NTRK3: variants seen among roughly 807,000 people sequenced by gnomAD.
The protein encoded by NTRK3 is NT-3 growth factor receptor.
NTRK3 carries 24 observed loss-of-function variants against 91.7 expected under a neutral mutation model. The ratio of observed to expected loss-of-function variants is 0.26; its 90% CI spans 0.19 to 0.37. The LOEUF (loss-of-function observed/expected upper bound fraction) is 0.37. Ranked by LOEUF, NTRK3 falls within the 10% of genes least tolerant of loss-of-function variation. The pLI is 1.00. For missense variants in NTRK3, 880 were observed against 1,068.9 expected (o/e 0.82, Z 2.46); for synonymous variants, 483 against 404.0 (o/e 1.20, Z -2.34).
intron 14 of NTRK3, among the ~76,000 whole-genome samples, chr15:87,943,072 C>G (rs144824787): frequency 6.6e-6 from 1 of 151,844 alleles, no homozygotes; most frequent in Non-Finnish European, 1.5e-5. Context: ...ATCACCTAGA[C>G]GGCTTGTTAC....
chr15:88,252,991 C>T (rs1404869049), intron 3 of NTRK3: 2 of 152,276 alleles, frequency 1.3e-5, no homozygotes, highest in Non-Finnish European at 2.9e-5. Context: ...AGAAGCAGAA[C>T]CACAGGGAAA....
intron 5 of NTRK3, among the ~76,000 whole-genome samples, chr15:88,176,286 G>A (rs1474007119): frequency 5.3e-5 from 8 of 151,920 alleles, no homozygotes; most frequent in South Asian, 4.2e-4. Flanking sequence ...ACAGGCAAGC[G>A]CCACCATGCC....
At position 88,213,199 on chromosome 15, in the gene NTRK3, T is replaced by C. The variant is rs74719627; in HGVS notation, c.249-28900A>G. ...CTGTCATCCTTAGGCAGCCGTCTGA[T>C]GTTGGGGTGAGCCATCATTCCCGTT... On this transcript the variant is annotated intron_variant, in intron 3 of 18. Transcript: ENST00000394480. Among the ~76,000 whole-genome samples the C allele has an allele frequency of 4.2e-3, 637 of 152,280 alleles. 10 individuals are homozygous for C. In the East Asian group the frequency reaches 0.06, roughly 14 times the overall value.
At chr15:88,200,497 G>A (rs933640150) in intron 3 of NTRK3, among the ~76,000 whole-genome samples, 4 of 152,152 alleles carry the variant, frequency 2.6e-5, no homozygotes, top group African/African-American at 9.7e-5. Flanking sequence ...GGGACCCTGT[G>A]GGAGGTAATT....
intron 3 of NTRK3, among the ~76,000 whole-genome samples, chr15:88,212,884 T>C (rs765471701): frequency 6.6e-6 from 1 of 152,032 alleles, no homozygotes; most frequent in Non-Finnish European, 1.5e-5. Flanking sequence ...CCACACTGAG[T>C]GGAGTCCAAC....
At chr15:88,050,486 C>CGTGTGT (rs55943475) in intron 13 of NTRK3, among the ~76,000 whole-genome samples, 23 of 144,260 alleles carry the variant, frequency 1.6e-4, no homozygotes, top group East Asian at 4.1e-4. Context: ...CAATATATAC[C>CGTGTGT]GTGTGTGTGT....
chr15:87,976,856 CA>C (rs1277531595), intron 14 of NTRK3, among the ~76,000 whole-genome samples: 1 of 152,190 alleles, frequency 6.6e-6, no homozygotes, highest in Non-Finnish European at 1.5e-5. Context: ...AGGGAACATA[CA>C]AAACCACTCC....
chr15:88,079,107 C>T (rs374963812), intron 13 of NTRK3, among the ~76,000 whole-genome samples: 2 of 152,096 alleles, frequency 1.3e-5, no homozygotes, highest in Non-Finnish European at 2.9e-5. Flanking sequence ...GTGGCGTTTG[C>T]GGGCAGCCTT....
chr15:88,113,327 T>C (rs2051644595), intron 13 of NTRK3, among the ~76,000 whole-genome samples: 1 of 132,758 alleles, frequency 7.5e-6, no homozygotes, highest in Middle Eastern at 3.8e-3. Context: ...TTTTTTTTTT[T>C]TTTTTTGAGA....
intron 5 of NTRK3, among the ~76,000 whole-genome samples, chr15:88,160,229 A>T (rs1354116014): frequency 6.6e-6 from 1 of 152,200 alleles, no homozygotes; most frequent in Non-Finnish European, 1.5e-5. Flanking sequence ...GCTGCTGAGC[A>T]GAGAGAGGGA....
intron 3 of NTRK3, among the ~76,000 whole-genome samples, chr15:88,236,081 A>C (rs571518707): frequency 2.0e-4 from 31 of 152,284 alleles, no homozygotes; most frequent in African/African-American, 7.5e-4. Flanking sequence ...CATCCCAGAA[A>C]TTTCACTCCT....
At chr15:88,011,125 C>T (rs968266586) in intron 14 of NTRK3, among the ~76,000 whole-genome samples, 1 of 152,114 alleles carries the variant, frequency 6.6e-6, no homozygotes, top group Non-Finnish European at 1.5e-5. Context: ...GCATGCCACA[C>T]AGGCCATCAT....
intron 1 of NTRK3, 71 bp downstream of exon 1, chr15:88,256,573 C>T (rs2054076727): frequency 2.0e-6 from 1 of 495,294 alleles, no homozygotes; most frequent in Non-Finnish European, 3.5e-6. Flanking sequence ...GTCCCACCTA[C>T]TGGGCAGAAT....
At position 88,159,219 on chromosome 15, in the gene NTRK3, C is replaced by T. The variant is rs551785271; in HGVS notation, c.396-11816G>A. Among the ~76,000 whole-genome samples the T allele has an allele frequency of 3.8e-4, 58 of 152,340 alleles. 1 individual carries two copies. In the South Asian group the frequency reaches 0.011, roughly 28 times the overall value. On this transcript the variant is annotated intron_variant, in intron 5 of 18. Transcript: ENST00000394480. ...ATTCAGATTAAAGGAAAATCTATGA[C>T]TCTCTTAAAAACAACAAAACTGTGA... is the stretch of plus-strand genomic sequence containing the variant.
At chr15:87,945,993 T>C (rs1226756374) in intron 14 of NTRK3, among the ~76,000 whole-genome samples, 1 of 152,210 alleles carries the variant, frequency 6.6e-6, no homozygotes, top group African/African-American at 2.4e-5. Flanking sequence ...ATAAAATATC[T>C]AAAATATATT....
chr15:88,145,788 G>C (rs1160237415), intron 6 of NTRK3, among the ~76,000 whole-genome samples: 1 of 152,138 alleles, frequency 6.6e-6, no homozygotes, highest in Non-Finnish European at 1.5e-5. Context: ...AGACACCCAA[G>C]AAAGAGATCC....
intron 5 of NTRK3, among the ~76,000 whole-genome samples, chr15:88,156,710 G>A (rs928237991): frequency 2.6e-5 from 4 of 152,122 alleles, no homozygotes; most frequent in East Asian, 1.9e-4. Context: ...CTTGGGCCTC[G>A]ACTGTCACAG....
intron 14 of NTRK3, among the ~76,000 whole-genome samples, chr15:87,966,934 T>C (rs2072849446): frequency 6.6e-6 from 1 of 152,184 alleles, no homozygotes; most frequent in African/African-American, 2.4e-5. Flanking sequence ...TTCTTTCTTG[T>C]GGGGAGCTGT....
chr15:87,871,772 G>C, exon 19 of NTRK3: 1 of 222,974 alleles, frequency 4.5e-6, no homozygotes, highest in Non-Finnish European at 9.0e-6. Context: ...CTTCAAACAG[G>C]CCTTCTTTGA....
Sources: allele counts gnomAD v4.1 joint callset (sites outside exome capture counted in the v4.1 genomes callset), GRCh38; gene constraint gnomAD v4.1.1; transcripts MANE v1.5; gene names NCBI Gene and HGNC (gene_info 2026-07-23, HGNC 2026-07-21).